SLC16A10: variants seen among roughly 807,000 people sequenced by gnomAD.
The protein encoded by SLC16A10 is monocarboxylate transporter 10.
SLC16A10 carries 27 observed loss-of-function variants against 40.0 expected under a neutral mutation model. The observed-to-expected ratio is 0.67, with a 90% CI of 0.50 to 0.93. SLC16A10 has a LOEUF of 0.93. Among genes scored for constraint, SLC16A10 ranks in the 40% least tolerant of loss-of-function variants. SLC16A10 has a pLI of 0.00. For missense variants in SLC16A10, 529 were observed against 658.2 expected (o/e 0.80, Z 2.15); for synonymous variants, 213 against 249.8 (o/e 0.85, Z 1.39).
At chr6:111,159,501 A>G (rs1396087291) in intron 1 of SLC16A10, among the ~76,000 whole-genome samples, 1 of 152,206 alleles carries the variant, frequency 6.6e-6, no homozygotes, top group African/African-American at 2.4e-5. Context: ...CATTACATAG[A>G]TATACCATAA....
At chr6:111,204,744 C>T (rs1456175044) in intron 3 of SLC16A10, among the ~76,000 whole-genome samples, 1 of 152,062 alleles carries the variant, frequency 6.6e-6, no homozygotes, top group African/African-American at 2.4e-5. Flanking sequence ...AAATTAGGTG[C>T]CAACATTTCC....
intron 1 of SLC16A10, among the ~76,000 whole-genome samples, chr6:111,146,785 T>C (rs1164055191): frequency 6.6e-6 from 1 of 151,890 alleles, no homozygotes; most frequent in East Asian, 1.9e-4. Context: ...TAGATGTTCA[T>C]AGTAGTATTC....
chr6:111,179,071 T>C (rs1456527933), intron 3 of SLC16A10, among the ~76,000 whole-genome samples: 1 of 152,048 alleles, frequency 6.6e-6, no homozygotes, highest in Non-Finnish European at 1.5e-5. Flanking sequence ...CAGGCTGGCT[T>C]CAAGCAACCC....
intron 1 of SLC16A10, among the ~76,000 whole-genome samples, chr6:111,112,781 TG>T (rs1771413493): frequency 1.3e-5 from 2 of 152,198 alleles, no homozygotes; most frequent in Admixed American, 1.3e-4. Context: ...AACAAATAGC[TG>T]TACAGAATTG....
In SLC16A10 at chr6:111,132,555, C is replaced by T. The variant is rs547696683; in HGVS notation, c.344-40140C>T. On this transcript the variant is annotated intron_variant, in intron 1 of 5. Transcript: ENST00000368851. ...AGTAGAAAAATAACTTTAGAGGAAA[C>T]CTCATTGTGAGTACACCTCACCAGT... 3.7e-4 allele frequency among the ~76,000 whole-genome samples: 57 copies of T among 152,330 alleles called. 1 individual carries two copies. The South Asian group carries it at 0.011, about 30-fold the overall frequency.
chr6:111,100,952 TTCTCTCCCTCTC>T (rs1248842676), intron 1 of SLC16A10, among the ~76,000 whole-genome samples: 3,230 of 81,288 alleles, frequency 0.04, 60 homozygotes, highest in Middle Eastern at 0.085. Context: ...CTCTCGCTCT[TTCTCTCCCTCTC>T]TCTCTCTCTC....
rs1192802045 is a variant in SLC16A10, at chr6:111,224,421, C to G, written c.*2186C>G. 1 of 152,112 alleles carries G rather than the reference C, an allele frequency of 6.6e-6. No individual in the cohort carries two copies. Among genetic ancestry groups the G allele is most frequent in the Non-Finnish European group, 1.5e-5 (1 of 68,014 alleles). 9.4% of individuals were successfully genotyped at this position (152,112 alleles called of 1,614,324 possible). A position where few individuals can be genotyped will look rare whatever the true frequency, so the allele number is the denominator to read the frequency against. ...CTGATTTTAGGAAAAAAGTGATCAT[C>G]TGAAACTAAAAGAAATTGCTTGGTT... On this transcript the variant is annotated 3_prime_UTR_variant, in exon 6 of 6. Transcript: ENST00000368851.
At chr6:111,124,032 G>A (rs1771628732) in intron 1 of SLC16A10, among the ~76,000 whole-genome samples, 1 of 152,086 alleles carries the variant, frequency 6.6e-6, no homozygotes, top group Non-Finnish European at 1.5e-5. Flanking sequence ...TACTTTAGAG[G>A]GCTTGAGGGC....
chr6:111,128,772 C>G (rs1469769896), intron 1 of SLC16A10, among the ~76,000 whole-genome samples: 2 of 151,674 alleles, frequency 1.3e-5, no homozygotes, highest in Non-Finnish European at 2.9e-5. Flanking sequence ...ATTGCACAGA[C>G]TATAATAATA....
intron 1 of SLC16A10, among the ~76,000 whole-genome samples, chr6:111,103,325 C>T (rs1222420424): frequency 2.0e-5 from 3 of 152,260 alleles, no homozygotes; most frequent in South Asian, 2.1e-4. Flanking sequence ...TCAAGCGATT[C>T]TCCTGTCTCA....
chr6:111,122,486 AC>A (rs1437900420), intron 1 of SLC16A10, among the ~76,000 whole-genome samples: 2 of 152,082 alleles, frequency 1.3e-5, no homozygotes, highest in African/African-American at 4.8e-5. Context: ...CTGGGGAGGA[AC>A]CCTTGCCTTT....
At chr6:111,131,901 G>A (rs1375076673) in intron 1 of SLC16A10, among the ~76,000 whole-genome samples, 1 of 152,212 alleles carries the variant, frequency 6.6e-6, no homozygotes, top group Non-Finnish European at 1.5e-5. Context: ...CAACTTGCTT[G>A]AAAGTGTAGC....
At chr6:111,148,846 C>T (rs1373079354) in intron 1 of SLC16A10, among the ~76,000 whole-genome samples, 3 of 152,312 alleles carry the variant, frequency 2.0e-5, no homozygotes, top group East Asian at 1.9e-4. Context: ...TGGTGACTCA[C>T]GCCTGTAATC....
At chr6:111,219,585 T>A (rs545785566) in intron 5 of SLC16A10, among the ~76,000 whole-genome samples, 1 of 151,210 alleles carries the variant, frequency 6.6e-6, no homozygotes, top group Non-Finnish European at 1.5e-5. Context: ...TAAGAGATCA[T>A]ACATCCCCCT....
At chr6:111,214,528 C>A (rs997253494) in intron 4 of SLC16A10, among the ~76,000 whole-genome samples, 4 of 152,150 alleles carry the variant, frequency 2.6e-5, no homozygotes, top group African/African-American at 9.7e-5. Flanking sequence ...GGAATAGGTA[C>A]GTTCTCACGA....
rs191987861 is a variant in SLC16A10, at chr6:111,088,411, G to A, written c.343+316G>A. Among the ~76,000 whole-genome samples the A allele has an allele frequency of 1.3e-3, 196 of 152,284 alleles. 2 individuals carry two copies. Among genetic ancestry groups the A allele is most frequent in the Admixed American group, 2.4e-3 (36 of 15,310 alleles). On this transcript the variant is annotated intron_variant, in intron 1 of 5. Coordinates refer to ENST00000368851, the MANE Select transcript of SLC16A10 (RefSeq NM_018593.5). The stretch of plus-strand genomic sequence containing the variant: ...GTCCACAGGAGCCCTTCCTTTTATT[G>A]TTTGAAAACAAACAGAACCCCAGAA...
chr6:111,121,283 C>T (rs933356749), intron 1 of SLC16A10, among the ~76,000 whole-genome samples: 29 of 152,254 alleles, frequency 1.9e-4, no homozygotes, highest in Admixed American at 2.6e-4. Flanking sequence ...TTATTGTGGC[C>T]GGCAACGGTG....
At chr6:111,218,682 A>G in intron 4 of SLC16A10, 132 bp from the exon 5 acceptor site, 2 of 704,328 alleles carry the variant, frequency 2.8e-6, no homozygotes, top group Admixed American at 4.7e-5. Flanking sequence ...TGTATGTAAA[A>G]TCAAAGTGAA....
chr6:111,173,065 A>G (rs1772616740), intron 2 of SLC16A10, among the ~76,000 whole-genome samples: 2 of 152,154 alleles, frequency 1.3e-5, no homozygotes. Context: ...ATCAATCAGG[A>G]TATATGTGTT....
Sources: gnomAD v4.1 joint callset for allele counts (sites outside exome capture counted in the v4.1 genomes callset) on GRCh38, gnomAD v4.1.1 for gene constraint, MANE v1.5 for transcripts, NCBI Gene and HGNC (gene_info 2026-07-23, HGNC 2026-07-21) for gene names.